LRFN5: variants seen among roughly 807,000 people sequenced by gnomAD.
LRFN5 encodes the protein leucine rich repeat and fibronectin type III domain containing 5, also known as leucine-rich repeat and fibronectin type-III domain-containing protein 5.
Under a neutral mutation model 45.6 loss-of-function variants are expected in LRFN5, and 24 were observed. The ratio of observed to expected loss-of-function variants is 0.53; its 90% CI spans 0.38 to 0.74. The LOEUF is 0.74. Among genes scored for constraint, LRFN5 ranks in the 30% least tolerant of loss-of-function variants. LRFN5 has a pLI of 0.00. For missense variants in LRFN5, 776 were observed against 861.5 expected (o/e 0.90, Z 1.24); for synonymous variants, 340 against 313.8 (o/e 1.08, Z -0.88).
intron 1 of LRFN5, among the ~76,000 whole-genome samples, chr14:41,622,061 A>G (rs1041547278): frequency 1.3e-5 from 2 of 151,686 alleles, no homozygotes; most frequent in African/African-American, 4.8e-5. Flanking sequence ...GTTGGGAAGA[A>G]TCAATGCACT....
intron 1 of LRFN5, among the ~76,000 whole-genome samples, chr14:41,651,093 G>A (rs550877116): frequency 6.6e-6 from 1 of 152,104 alleles, no homozygotes; most frequent in African/African-American, 2.4e-5. Flanking sequence ...CTATTTCTAT[G>A]TATTGTCTCA....
At chr14:41,804,532 A>G (rs1182062625) in intron 2 of LRFN5, among the ~76,000 whole-genome samples, 1 of 152,178 alleles carries the variant, frequency 6.6e-6, no homozygotes, top group Non-Finnish European at 1.5e-5. Context: ...GGCAGAATTC[A>G]GCCTCCTCTC....
chr14:41,656,640 T>C (rs1048056342), intron 1 of LRFN5, among the ~76,000 whole-genome samples: 3 of 151,848 alleles, frequency 2.0e-5, no homozygotes, highest in African/African-American at 7.2e-5. Context: ...GTACTTTAGA[T>C]AGATACTCCC....
chr14:41,813,417 TCC>T (rs1388707061), intron 2 of LRFN5, among the ~76,000 whole-genome samples: 1 of 152,082 alleles, frequency 6.6e-6, no homozygotes, highest in African/African-American at 2.4e-5. Flanking sequence ...ATTGTTCAAC[TCC>T]CACTTATGAG....
intron 2 of LRFN5, among the ~76,000 whole-genome samples, chr14:41,860,186 C>T (rs1889612568): frequency 6.6e-6 from 1 of 151,960 alleles, no homozygotes; most frequent in African/African-American, 2.4e-5. Flanking sequence ...CAAAAACACC[C>T]CAGGAAATTT....
At chr14:41,839,864 A>AT (rs1481739422) in intron 2 of LRFN5, among the ~76,000 whole-genome samples, 1 of 152,114 alleles carries the variant, frequency 6.6e-6, no homozygotes, top group Non-Finnish European at 1.5e-5. Flanking sequence ...CTGTGTGCAC[A>AT]TATTCATAGC....
chr14:41,782,972 A>G (rs1265495144), intron 2 of LRFN5, among the ~76,000 whole-genome samples: 2 of 48,426 alleles, frequency 4.1e-5, no homozygotes, highest in African/African-American at 1.6e-4. Flanking sequence ...GTGGTGATAC[A>G]GCTTTTTTTT....
At chr14:41,881,553 C>A (rs940129157) in intron 2 of LRFN5, among the ~76,000 whole-genome samples, 3 of 151,898 alleles carry the variant, frequency 2.0e-5, no homozygotes, top group Non-Finnish European at 2.9e-5. Context: ...ATATCATCAA[C>A]TCTGGAATCT....
intron 1 of LRFN5, among the ~76,000 whole-genome samples, chr14:41,736,766 TCCTGGACACATACA>T (rs776265143): frequency 6.6e-6 from 1 of 152,168 alleles, no homozygotes; most frequent in Non-Finnish European, 1.5e-5. Flanking sequence ...ATGGATAAAT[TCCTGGACACATACA>T]CCCTTCCAAG....
chr14:41,781,554 GAA>G, intron 2 of LRFN5, among the ~76,000 whole-genome samples: 1 of 96,130 alleles, frequency 1.0e-5, no homozygotes, highest in Non-Finnish European at 2.1e-5. Context: ...AAGGAGAAAA[GAA>G]AGAGAAAGAA....
chr14:41,759,977 T>G (rs760659724), intron 1 of LRFN5, among the ~76,000 whole-genome samples: 7 of 152,202 alleles, frequency 4.6e-5, no homozygotes, highest in African/African-American at 1.7e-4. Context: ...CCACATATCT[T>G]ATACCTGGTT....
At chr14:41,719,925 A>G (rs1455256550) in intron 1 of LRFN5, among the ~76,000 whole-genome samples, 1 of 152,050 alleles carries the variant, frequency 6.6e-6, no homozygotes, top group Non-Finnish European at 1.5e-5. Context: ...CTATCTCTCC[A>G]TATAGAGAGG....
chr14:41,892,754 T>C, intron 4 of LRFN5: 1 of 985,340 alleles, frequency 1.0e-6, no homozygotes, highest in Non-Finnish European at 1.2e-6. Flanking sequence ...TGATACACCT[T>C]TTTCAGTGGA....
At chr14:41,708,612 A>C (rs1021961253) in intron 1 of LRFN5, among the ~76,000 whole-genome samples, 1 of 152,024 alleles carries the variant, frequency 6.6e-6, no homozygotes, top group African/African-American at 2.4e-5. Context: ...AAGTATCTTC[A>C]AGTCTATGAA....
intron 2 of LRFN5, among the ~76,000 whole-genome samples, chr14:41,842,166 A>G (rs755796491): frequency 2.3e-4 from 35 of 152,016 alleles, no homozygotes; most frequent in Non-Finnish European, 8.8e-5. Flanking sequence ...GATGGAGATG[A>G]TATTACTTAT....
At chr14:41,764,951 T>C (rs1885818592) in intron 1 of LRFN5, among the ~76,000 whole-genome samples, 1 of 152,110 alleles carries the variant, frequency 6.6e-6, no homozygotes, top group Admixed American at 6.6e-5. Flanking sequence ...TTAAGATACT[T>C]TACCAGCTAA....
intron 1 of LRFN5, among the ~76,000 whole-genome samples, chr14:41,642,119 C>T (rs1315508702): frequency 2.0e-5 from 3 of 152,056 alleles, no homozygotes; most frequent in African/African-American, 7.2e-5. Context: ...TTGTTTGTAG[C>T]TTTAAGAAAA....
chr14:41,854,025 G>A (rs541724924), intron 2 of LRFN5, among the ~76,000 whole-genome samples: 1 of 152,104 alleles, frequency 6.6e-6, no homozygotes, highest in Non-Finnish European at 1.5e-5. Flanking sequence ...GGCATAAGGG[G>A]CAGGTAAGGT....
chr14:41,617,883 G>A (rs147160562), intron 1 of LRFN5, among the ~76,000 whole-genome samples: 1 of 152,106 alleles, frequency 6.6e-6, no homozygotes, highest in African/African-American at 2.4e-5. Context: ...ATGATGGGGT[G>A]AAACTTACAG....
Sources: allele counts gnomAD v4.1 joint callset (sites outside exome capture counted in the v4.1 genomes callset), GRCh38; gene constraint gnomAD v4.1.1; transcripts MANE v1.5; gene names NCBI Gene and HGNC (gene_info 2026-07-23, HGNC 2026-07-21).